The following ABR variants were observed in gnomAD, a reference collection of about 807,000 sequenced individuals.
The protein encoded by ABR is ABR activator of RhoGEF and GTPase, also known as active breakpoint cluster region-related protein.
A neutral mutation model predicts 107.2 loss-of-function variants in ABR; 35 were observed. That is an observed-to-expected ratio of 0.33 (90% CI 0.25 to 0.43). ABR has a LOEUF of 0.43. Among genes scored for constraint, ABR ranks in the 20% least tolerant of loss-of-function variants. The pLI is 1.00. For missense variants in ABR, 815 were observed against 1,115.2 expected (o/e 0.73, Z 3.83); for synonymous variants, 498 against 462.0 (o/e 1.08, Z -1.00).
At chr17:1,158,079 A>G (rs573514930) in intron 1 of ABR, among the ~76,000 whole-genome samples, 2 of 152,240 alleles carry the variant, frequency 1.3e-5, no homozygotes, top group East Asian at 3.9e-4. Flanking sequence ...ACCACCCCTG[A>G]GTAAGCCGCC....
At chr17:1,189,274 T>A (rs189039354), upstream of ABR, among the ~76,000 whole-genome samples, 1 of 151,966 alleles carries the variant, frequency 6.6e-6, no homozygotes, top group African/African-American at 2.4e-5. Context: ...TAACAGCAAC[T>A]GAAGGCTTGC....
At chr17:1,086,017 G>C (rs559649462) in intron 4 of ABR, among the ~76,000 whole-genome samples, 1 of 152,052 alleles carries the variant, frequency 6.6e-6, no homozygotes, top group Non-Finnish European at 1.5e-5. Context: ...GTGGTGGCAC[G>C]CATCTGTAGT....
At chr17:1,009,815 G>A in intron 20 of ABR, 31 bp from the exon 21 acceptor site, 1 of 1,579,372 alleles carries the variant, frequency 6.3e-7, no homozygotes, top group Non-Finnish European at 8.7e-7. Flanking sequence ...TGTGGCGTTT[G>A]GCTCCTGGGG....
At chr17:1,203,868 GCGC>G (rs2042736189) in intron 1 of ABR, among the ~76,000 whole-genome samples, 1 of 152,188 alleles carries the variant, frequency 6.6e-6, no homozygotes, top group South Asian at 2.1e-4. Context: ...CGTTCCGGTG[GCGC>G]CGCCTGACGC....
chr17:1,125,753 T>C (rs1465113664), intron 1 of ABR: 1 of 269,194 alleles, frequency 3.7e-6, no homozygotes, highest in Non-Finnish European at 6.9e-6. Context: ...TTTTGCTTTT[T>C]ATAGGGAATA....
chr17:1,088,094 G>A (rs565255544), intron 4 of ABR, among the ~76,000 whole-genome samples: 43 of 152,130 alleles, frequency 2.8e-4, no homozygotes, highest in African/African-American at 9.4e-4. Flanking sequence ...GGCTCCCCCC[G>A]GGCCCTCCCA....
At chr17:1,169,463 G>C (rs1212059575) in intron 1 of ABR, among the ~76,000 whole-genome samples, 1 of 152,196 alleles carries the variant, frequency 6.6e-6, no homozygotes, top group Non-Finnish European at 1.5e-5. Context: ...TCTGTGTCAG[G>C]GGTTACCTTT....
Position 1,011,813 on chromosome 17 carries a change from C to T in ABR, c.2101+33G>A, listed in dbSNP as rs781289254. Reference sequence around the variant, plus strand: ...TCCCACCAGCCTGCTCAGACACAGCCACACCTGCCCCGGCTGGGCCTCCCA... The same window carrying T: ...TCCCACCAGCCTGCTCAGACACAGCTACACCTGCCCCGGCTGGGCCTCCCA... On this transcript the variant is annotated intron_variant, in intron 19 of 22. Coordinates refer to ENST00000302538, the MANE Select transcript of ABR (RefSeq NM_021962.5). The surrounding 1 kb of genome is among the most constrained non-coding windows in gnomAD (Gnocchi z 4.8). The T allele has an allele frequency of 4.8e-5, 75 of 1,548,140 alleles. No homozygotes were observed. The highest frequency in any genetic ancestry group is 6.3e-5 in the Non-Finnish European group (72 of 1,140,682).
At chr17:1,168,849 C>T (rs746160181) in intron 1 of ABR, among the ~76,000 whole-genome samples, 1 of 152,208 alleles carries the variant, frequency 6.6e-6, no homozygotes, top group Non-Finnish European at 1.5e-5. Context: ...TCAGCTCCTG[C>T]CTTTGGTTTC....
At position 1,056,177 on chromosome 17, in the gene ABR, G is replaced by A. The variant is rs544229773; in HGVS notation, c.1487-68C>T. 73 of 1,381,978 alleles carry A rather than the reference G, an allele frequency of 5.3e-5. No individual in the cohort carries two copies. In the Admixed American group the frequency reaches 6.8e-4, roughly 13 times the overall value. 85.6% of individuals were successfully genotyped at this position (1,381,978 alleles called of 1,614,324 possible). A position where few individuals can be genotyped will look rare whatever the true frequency, so the allele number is the denominator to read the frequency against. Reference sequence around the variant, plus strand: ...ATCCCCTCAGCCTCCACCCCAGGCCGGCGGGAGGCAGACGGGGTATGAGAC... The same window carrying A: ...ATCCCCTCAGCCTCCACCCCAGGCCAGCGGGAGGCAGACGGGGTATGAGAC... On this transcript the variant is annotated intron_variant, in intron 13 of 22. Transcript: ENST00000302538.
chr17:1,049,594 C>A (rs762656970), intron 16 of ABR, among the ~76,000 whole-genome samples: 8 of 152,168 alleles, frequency 5.3e-5, no homozygotes, highest in African/African-American at 1.2e-4. Context: ...CCCCCTCCCC[C>A]CAAGCCAACC....
intron 3 of ABR, among the ~76,000 whole-genome samples, chr17:1,096,718 GGGGGGGAA>G (rs2037456677): frequency 6.8e-6 from 1 of 146,374 alleles, no homozygotes; most frequent in Admixed American, 6.8e-5. Flanking sequence ...AGCTGGGGAA[GGGGGGGAA>G]CCTGCCCCGG....
intron 1 of ABR, among the ~76,000 whole-genome samples, chr17:1,220,917 T>A (rs754790536): frequency 6.6e-6 from 1 of 151,984 alleles, no homozygotes; most frequent in Non-Finnish European, 1.5e-5. Context: ...TTTCCAGGAG[T>A]CAGCTAACCA....
intron 1 of ABR, among the ~76,000 whole-genome samples, chr17:1,207,649 CAA>C (rs376092819): frequency 1.9e-4 from 16 of 86,150 alleles, no homozygotes; most frequent in African/African-American, 1.5e-4. Flanking sequence ...AACTCCGTCT[CAA>C]AAAAAAAAAA....
chr17:1,139,860 A>G (rs2040223079), intron 1 of ABR, among the ~76,000 whole-genome samples: 1 of 152,184 alleles, frequency 6.6e-6, no homozygotes, highest in Admixed American at 6.5e-5. Context: ...ACAACCAGTC[A>G]CAGAGCGTGA....
At chr17:1,178,986 G>A (rs1389656693) in intron 1 of ABR, among the ~76,000 whole-genome samples, 1 of 151,422 alleles carries the variant, frequency 6.6e-6, no homozygotes, top group Non-Finnish European at 1.5e-5. Context: ...CGAGGGGGTG[G>A]AGAACTCGAG....
chr17:1,040,897 T>G (rs2030304452), intron 16 of ABR, among the ~76,000 whole-genome samples: 1 of 152,210 alleles, frequency 6.6e-6, no homozygotes, highest in African/African-American at 2.4e-5. Context: ...CCGGCAACAC[T>G]GGCTAACGAT....
In ABR at chr17:1,058,030, G is replaced by A. The variant is rs374188965; in HGVS notation, c.1321C>T (p.Leu441=). 5.9e-5 allele frequency: 95 copies of A among 1,607,450 alleles called. No individual in the cohort carries two copies. The African/African-American group carries it at 1.1e-3, about 18-fold the overall frequency. Residue 441 remains leucine, a synonymous_variant, in exon 12 of 23, where the codon CTG becomes TTG. Coordinates refer to ENST00000302538, the MANE Select transcript of ABR (RefSeq NM_021962.5). ...NRNGKSYLFL[L]SSDYERSEWR... ...TCTGACCTCTCGTAGTCCGAGGACA[G>A]TAGGAACAGGTAACTCTGAAGAGAG... is the stretch of plus-strand genomic sequence containing the variant.
chr17:1,126,152 G>A (rs79971514), intron 1 of ABR, among the ~76,000 whole-genome samples: 10,324 of 152,306 alleles, frequency 0.068, 1,076 homozygotes, highest in African/African-American at 0.22. Context: ...CTTGGGAGGG[G>A]AGGCTGAGCC....
Sources: gnomAD v4.1 joint callset for allele counts (sites outside exome capture counted in the v4.1 genomes callset) on GRCh38, gnomAD v4.1.1 for gene constraint, Gnocchi (gnomAD v3.1) non-coding constraint, MANE v1.5 for transcripts, NCBI Gene and HGNC (gene_info 2026-07-23, HGNC 2026-07-21) for gene names.